Variants in WDFY4 observed in about 807,000 individuals in gnomAD.
The protein encoded by WDFY4 is WD repeat- and FYVE domain-containing protein 4.
In WDFY4, 169 loss-of-function variants were observed where a neutral mutation model predicts 351.9. The ratio of observed to expected loss-of-function variants is 0.48; its 90% CI spans 0.42 to 0.55. The LOEUF is 0.55. Ranked by LOEUF, WDFY4 falls within the 20% of genes least tolerant of loss-of-function variation. The pLI, the probability that WDFY4 is intolerant of heterozygous loss-of-function variation, is 0.00. For synonymous variants in WDFY4, 1,622 were observed against 1,574.6 expected (o/e 1.03, Z -0.71); for missense variants, 3,803 against 3,935.6 (o/e 0.97, Z 0.90).
intron 39 of WDFY4, among the ~76,000 whole-genome samples, chr10:48,842,912 C>G (rs1476220469): frequency 6.6e-6 from 1 of 152,182 alleles, no homozygotes. Context: ...CAAATGCCAT[C>G]TCTTTGACTG....
At chr10:48,808,007 G>T in intron 28 of WDFY4, 49 bp downstream of exon 28, 2 of 1,420,672 alleles carry the variant, frequency 1.4e-6, no homozygotes, top group Non-Finnish European at 1.9e-6. Flanking sequence ...CCTCATACAG[G>T]GTGTGGCATT....
Position 48,981,484 on chromosome 10 carries a change from C to G in WDFY4, c.9488+6C>G. ...ACTGCTCTGGCCGTGTCCAGGTAAG[C>G]GCGGCCTTGTTTCTCTGGGTCTCCA... On this transcript the variant is annotated splice_donor_region_variant and intron_variant, in intron 61 of 61. Transcript: ENST00000325239. 1 of 1,551,280 alleles carries G rather than the reference C, an allele frequency of 6.4e-7. No individual in the cohort carries two copies. Among genetic ancestry groups the G allele is most frequent in the Non-Finnish European group, 8.7e-7 (1 of 1,146,724 alleles).
intron 5 of WDFY4, 109 bp from the exon 6 acceptor site, chr10:48,725,772 C>T (rs2064247849): frequency 8.5e-7 from 1 of 1,170,850 alleles, no homozygotes; most frequent in Non-Finnish European, 1.2e-6. Context: ...TCCTGTCCTT[C>T]TCACAGAGAC....
At chr10:48,766,355 C>T (rs2065670486) in intron 13 of WDFY4, among the ~76,000 whole-genome samples, 1 of 152,130 alleles carries the variant, frequency 6.6e-6, no homozygotes, top group South Asian at 2.1e-4. Context: ...CTTTGGGAGT[C>T]CAAGGCAGGA....
intron 13 of WDFY4, among the ~76,000 whole-genome samples, chr10:48,767,886 G>A (rs944318312): frequency 3.9e-5 from 6 of 152,162 alleles, no homozygotes; most frequent in Non-Finnish European, 8.8e-5. Flanking sequence ...CTGAGCTGGG[G>A]CACAGACATG....
chr10:48,699,896 C>T (rs896631509), intron 1 of WDFY4, among the ~76,000 whole-genome samples: 1 of 152,160 alleles, frequency 6.6e-6, no homozygotes, highest in Non-Finnish European at 1.5e-5. Flanking sequence ...TGGTGGTCCT[C>T]CAGGTGTGGT....
Position 48,803,312 on chromosome 10 carries a change from G to A in WDFY4, c.4437G>A (p.Leu1479=), listed in dbSNP as rs890087473. 18 of 1,551,988 alleles carry A rather than the reference G, an allele frequency of 1.2e-5. No homozygotes were observed. In the Admixed American group the frequency reaches 3.5e-4, roughly 30 times the overall value. ...TCTGGATGAATACTGCAGACAATCT[G>A]GAGCTCAGCCTCTTTTCCCATCTTT... ...FELWMNTADN[L]ELSLFSHLLE... The change falls in exon 25 of 62, where the codon CTG becomes CTA. Residue 1479 remains leucine (L), a synonymous_variant. Transcript: ENST00000325239.
Position 48,982,646 on chromosome 10 carries a change from A to C in WDFY4, c.*71A>C. 1.4e-6 allele frequency: 2 copies of C among 1,477,554 alleles called. No homozygotes were observed. Among genetic ancestry groups the C allele is most frequent in the Non-Finnish European group, 1.8e-6 (2 of 1,084,798 alleles). The allele number at this position is 1,477,554 out of a possible 1,614,324, so 91.5% of individuals were successfully genotyped here. A position where few individuals can be genotyped will look rare whatever the true frequency, so the allele number is the denominator to read the frequency against. ...GGGTGGCAGAGGTGACTGGGGCCTG[A>C]GCTCTGCCTACAGAAGAAACCCCCA... is the stretch of plus-strand genomic sequence containing the variant. On this transcript the variant is annotated 3_prime_UTR_variant, in exon 62 of 62. Transcript: ENST00000325239.
chr10:48,798,161 A>G (rs2066936397), intron 24 of WDFY4, among the ~76,000 whole-genome samples: 1 of 152,364 alleles, frequency 6.6e-6, no homozygotes, highest in African/African-American at 2.4e-5. Context: ...CAATATGTAT[A>G]TTATAAAAAG....
chr10:48,716,931 C>G (rs1378873408), intron 2 of WDFY4, among the ~76,000 whole-genome samples: 1 of 152,190 alleles, frequency 6.6e-6, no homozygotes, highest in Non-Finnish European at 1.5e-5. Flanking sequence ...CAGGGATTAA[C>G]ATGTCTGAGT....
intron 37 of WDFY4, among the ~76,000 whole-genome samples, chr10:48,830,426 T>C (rs1246633725): frequency 6.6e-6 from 1 of 152,176 alleles, no homozygotes; most frequent in Non-Finnish European, 1.5e-5. Context: ...AAATGATATG[T>C]TTCCCAGTCC....
At chr10:48,968,118 C>T (rs1217378853) in intron 55 of WDFY4, 1 of 152,276 alleles carries the variant, frequency 6.6e-6, no homozygotes, top group Non-Finnish European at 1.5e-5. Context: ...GCCACGGGTC[C>T]TGGGGATCCT....
rs557106931 is a variant in WDFY4, at chr10:48,760,297, AAG to A, written c.2460-48_2460-47del. On this transcript the variant is annotated intron_variant, in intron 12 of 61. Transcript: ENST00000325239. ...ATCCAGGAAGCTCAGTGAAAATAGA[AAG>A]AAACTGGAAGGTCCGTGTCTCATGT... 163 of 1,504,584 alleles carry A rather than the reference AAG, an allele frequency of 1.1e-4. No individual in the cohort carries two copies. In the African/African-American group the frequency reaches 1.9e-3, roughly 18 times the overall value. The allele number at this position is 1,504,584 out of a possible 1,614,324, so 93.2% of individuals were successfully genotyped here. A position where few individuals can be genotyped will look rare whatever the true frequency, so the allele number is the denominator to read the frequency against.
At chr10:48,790,663 G>C in intron 22 of WDFY4, 64 bp from the exon 23 acceptor site, 2 of 1,512,948 alleles carry the variant, frequency 1.3e-6, no homozygotes, top group Non-Finnish European at 8.9e-7. Flanking sequence ...CTGTGCTGTC[G>C]GGGAATTTCC....
chr10:48,774,279 C>A (rs569945842), intron 13 of WDFY4, among the ~76,000 whole-genome samples, 179 bp from the exon 14 acceptor site: 7 of 151,928 alleles, frequency 4.6e-5, no homozygotes, highest in Non-Finnish European at 8.8e-5. Context: ...ACTTGCCCCC[C>A]GCCAGGTGAG....
At chr10:48,891,944 A>G (rs1457399220) in intron 44 of WDFY4, among the ~76,000 whole-genome samples, 1 of 152,248 alleles carries the variant, frequency 6.6e-6, no homozygotes, top group African/African-American at 2.4e-5. Flanking sequence ...ATGCTTTAAA[A>G]TGCTTGGCAT....
In WDFY4 at chr10:48,786,878, G is replaced by A; in HGVS notation, c.3808+8G>A. 6.5e-7 allele frequency: 1 copy of A among 1,548,826 alleles called. No homozygotes were observed. The highest frequency in any genetic ancestry group is 8.7e-7 in the Non-Finnish European group (1 of 1,144,830). Reference sequence around the variant, plus strand: ...AAGCTGTGCATGTCCAAGGTATGGAGTGTTTTGATTTACAATGTTCTTGCT... The same window carrying A: ...AAGCTGTGCATGTCCAAGGTATGGAATGTTTTGATTTACAATGTTCTTGCT... On this transcript the variant is annotated splice_region_variant and intron_variant, in intron 20 of 61. Transcript: ENST00000325239.
At position 48,948,387 on chromosome 10, in the gene WDFY4, G is replaced by A. The variant is rs889051213; in HGVS notation, c.7977+1418G>A. 4.6e-5 allele frequency among the ~76,000 whole-genome samples: 7 copies of A among 152,252 alleles called. 1 individual carries two copies. The highest frequency in any genetic ancestry group is 3.9e-4 in the Admixed American group (6 of 15,292). ...TGCTCATTAATCCACAAGAAATGAT[G>A]ATCACCGTTGACGATGATAGTGATG... On this transcript the variant is annotated intron_variant, in intron 51 of 61. Transcript: ENST00000325239.
At chr10:48,897,754 G>A (rs1191252610) in intron 45 of WDFY4, among the ~76,000 whole-genome samples, 180 bp downstream of exon 45, 6 of 152,266 alleles carry the variant, frequency 3.9e-5, no homozygotes, top group Non-Finnish European at 8.8e-5. Context: ...GGTCCCAGGT[G>A]GGAGTTCTGA....
Sources: gnomAD v4.1 joint callset for allele counts (sites outside exome capture counted in the v4.1 genomes callset) on GRCh38, gnomAD v4.1.1 for gene constraint, MANE v1.5 for transcripts, NCBI Gene and HGNC (gene_info 2026-07-23, HGNC 2026-07-21) for gene names.